GRHPR: variants seen among roughly 807,000 people sequenced by gnomAD.
GRHPR encodes glyoxylate reductase/hydroxypyruvate reductase.
A neutral mutation model predicts 36.8 loss-of-function variants in GRHPR; 35 were observed. The ratio of observed to expected loss-of-function variants is 0.95; its 90% CI spans 0.73 to 1.26. GRHPR has a LOEUF of 1.26. GRHPR is among the 50% of genes most tolerant of loss of function. GRHPR has a pLI of 0.00. For synonymous variants in GRHPR, 179 were observed against 181.0 expected (o/e 0.99, Z 0.09); for missense variants, 380 against 435.0 (o/e 0.87, Z 1.12).
In GRHPR at chr9:37,428,935, A is replaced by G. The variant is rs1341443500; in HGVS notation, c.493+363A>G. The G allele has an allele frequency of 2.8e-5, 11 of 389,340 alleles. No individual in the cohort carries two copies. In the Admixed American group the frequency reaches 3.2e-4, roughly 11 times the overall value. 24.1% of individuals were successfully genotyped at this position (389,340 alleles called of 1,614,324 possible). A position where few individuals can be genotyped will look rare whatever the true frequency, so the allele number is the denominator to read the frequency against. Reference sequence around the variant, plus strand: ...TACTCCGGCTTGCGTTCTGGAAGGTATGTGACTCACAAAGCCCTAACTCGG... The same window carrying G: ...TACTCCGGCTTGCGTTCTGGAAGGTGTGTGACTCACAAAGCCCTAACTCGG... On this transcript the variant is annotated intron_variant, in intron 5 of 8. Coordinates refer to ENST00000318158, the MANE Select transcript of GRHPR (RefSeq NM_012203.2).
At chr9:37,437,956 C>T (rs1271084508), downstream of GRHPR, among the ~76,000 whole-genome samples, 1 of 152,070 alleles carries the variant, frequency 6.6e-6, no homozygotes, top group Non-Finnish European at 1.5e-5. Flanking sequence ...CGGGGGAAGG[C>T]AGAAGGGAAT....
intron 8 of GRHPR, among the ~76,000 whole-genome samples, chr9:37,433,292 G>A (rs975342068): frequency 2.0e-5 from 3 of 149,634 alleles, no homozygotes; most frequent in Non-Finnish European, 4.4e-5. Flanking sequence ...GGAGTGCAGT[G>A]GTGCAATCTG....
intron 1 of GRHPR, among the ~76,000 whole-genome samples, 197 bp downstream of exon 1, chr9:37,423,030 G>A (rs1249608887): frequency 6.6e-6 from 1 of 152,194 alleles, no homozygotes; most frequent in East Asian, 1.9e-4. Flanking sequence ...AGGGGAGATT[G>A]CCCCTGAGGC....
rs750677922 is a variant in GRHPR, at chr9:37,422,788, G to T, written c.38G>T (p.Arg13Leu). 1.9e-6 allele frequency: 3 copies of T among 1,600,616 alleles called. No individual in the cohort carries two copies. Among genetic ancestry groups the T allele is most frequent in the Middle Eastern group, 2.2e-4 (1 of 4,574 alleles). The change falls in exon 1 of 9, where the codon CGC (arginine) becomes CTC (leucine). Residue 13 changes from arginine (R) to leucine (L), a missense_variant. By Grantham distance (102) the Arg-to-Leu change is moderately radical. Transcript: ENST00000318158. The stretch of plus-strand genomic sequence containing the variant: ...CGACTCATGAAGGTGTTCGTCACCC[G>T]CAGGATACCCGCCGAGGGTAGGGTC... ...PVRLMKVFVT[R>L]RIPAEGRVAL...
intron 5 of GRHPR, chr9:37,429,060 G>C (rs1312554020): frequency 3.1e-6 from 1 of 317,890 alleles, no homozygotes; most frequent in African/African-American, 2.2e-5. Context: ...TGGCAGAAGG[G>C]CGTGAGCCTA....
chr9:37,434,671 AGT>A (rs1293369620), intron 8 of GRHPR: 2 of 165,894 alleles, frequency 1.2e-5, no homozygotes, highest in African/African-American at 4.8e-5. Flanking sequence ...CCTCCAACAA[AGT>A]GTCTTTCCCT....
rs1439848028 is a variant in GRHPR at position 37,431,939 on chromosome 9, T to C, written c.735-69T>C. 9.6e-6 allele frequency: 15 copies of C among 1,556,040 alleles called. No individual in the cohort carries two copies. In the South Asian group the frequency reaches 1.5e-4, roughly 15 times the overall value. ...GAGTGGAAAAATTCATTCTGTAGGT[T>C]GTTCTGCCTCAAAGGTGGCCTGGGC... On this transcript the variant is annotated intron_variant, in intron 7 of 8. Coordinates refer to ENST00000318158, the MANE Select transcript of GRHPR (RefSeq NM_012203.2).
rs1024834990 is a variant in GRHPR, at chr9:37,424,729, C to T, written c.84-116C>T. On this transcript the variant is annotated intron_variant, in intron 1 of 8. Coordinates refer to ENST00000318158, the MANE Select transcript of GRHPR (RefSeq NM_012203.2). The stretch of plus-strand genomic sequence containing the variant: ...ACCCCTGCCTGACCCTGCCTCCCCT[C>T]AGCCAGCCCCGGGCAGCCTGAGGCC... The T allele has an allele frequency of 2.2e-5, 28 of 1,256,310 alleles. No individual in the cohort carries two copies. In the East Asian group the frequency reaches 6.3e-4, roughly 28 times the overall value. The allele number at this position is 1,256,310 out of a possible 1,614,324, so 77.8% of individuals were successfully genotyped here.
chr9:37,426,595 A>G lies in GRHPR; in HGVS notation c.345A>G (p.Ala115=), dbSNP rs147053190. 2.5e-6 allele frequency: 4 copies of G among 1,614,032 alleles called. No individual in the cohort carries two copies. The Admixed American group carries it at 5.0e-5, about 20-fold the overall frequency. ...DVLTDTTAEL[A]VSLLLTTCRR... is the part of the protein sequence containing the mutation. Reference sequence around the variant, plus strand: ...TGACAGATACCACCGCCGAACTCGCAGTCTCCCTGCTACTTACCACCTGCC... The same window carrying G: ...TGACAGATACCACCGCCGAACTCGCGGTCTCCCTGCTACTTACCACCTGCC... Residue 115 remains alanine (A), a synonymous_variant, in exon 4 of 9, where the codon GCA becomes GCG. Coordinates refer to ENST00000318158, the MANE Select transcript of GRHPR (RefSeq NM_012203.2).
At chr9:37,422,574 A>G, upstream of GRHPR, 2 of 646,034 alleles carry the variant, frequency 3.1e-6, no homozygotes, top group South Asian at 3.5e-5. Context: ...TCACTCCCCG[A>G]GCACGCACAG....
chr9:37,431,007 C>T (rs1249927182), intron 7 of GRHPR: 2 of 483,530 alleles, frequency 4.1e-6, no homozygotes, highest in African/African-American at 4.0e-5. Flanking sequence ...CCGCCTCCCA[C>T]ACTGCTGAGC....
intron 1 of GRHPR, among the ~76,000 whole-genome samples, chr9:37,423,322 C>A (rs1413485761): frequency 7.0e-6 from 1 of 143,598 alleles, no homozygotes; most frequent in African/African-American, 2.5e-5. Context: ...CGCAAACAAT[C>A]ACTACCGGCT....
downstream of GRHPR, chr9:37,439,129 G>GAGTT (rs1281572963): frequency 3.3e-5 from 5 of 152,240 alleles, no homozygotes; most frequent in Non-Finnish European, 7.3e-5. Flanking sequence ...CTGACTTCAT[G>GAGTT]AGTTCTAGGG....
rs1400903452 is a variant in GRHPR at position 37,422,722 on chromosome 9, C to T, written c.-29C>T. The T allele has an allele frequency of 3.9e-6, 6 of 1,530,314 alleles. No individual in the cohort carries two copies. In the African/African-American group the frequency reaches 5.5e-5, roughly 14 times the overall value. 94.8% of individuals were successfully genotyped at this position (1,530,314 alleles called of 1,614,324 possible). Reference sequence around the variant, plus strand: ...CATTCCCGGGCCAGCTTCTGTACTGCCAGGTCCGGGTCGGCGGCTGCACTG... The same window carrying T: ...CATTCCCGGGCCAGCTTCTGTACTGTCAGGTCCGGGTCGGCGGCTGCACTG... On this transcript the variant is annotated 5_prime_UTR_variant, in exon 1 of 9. Transcript: ENST00000318158.
chr9:37,435,658 A>C (rs895249162), intron 8 of GRHPR, among the ~76,000 whole-genome samples: 1 of 151,996 alleles, frequency 6.6e-6, no homozygotes, highest in African/African-American at 2.4e-5. Context: ...TGGGAGGCTA[A>C]GACAGGAGAA....
chr9:37,436,055 G>A (rs191443188), intron 8 of GRHPR, among the ~76,000 whole-genome samples: 32 of 152,290 alleles, frequency 2.1e-4, no homozygotes, highest in African/African-American at 7.7e-4. Context: ...GTGGTCATGT[G>A]GCATCATTTT....
rs911007591 is a variant in GRHPR, at chr9:37,432,099, C to A, written c.826C>A (p.Leu276Met). The A allele has an allele frequency of 1.2e-6, 2 of 1,614,004 alleles. No homozygotes were observed. Among genetic ancestry groups the A allele is most frequent in the African/African-American group, 2.7e-5 (2 of 74,926 alleles). ...AGLDVTSPEP[L>M]PTNHPLLTLK... The stretch of plus-strand genomic sequence containing the variant: ...ACTGGATGTGACGAGCCCAGAACCA[C>A]TGCCTACAAACCACCCTCTCCTGAC... The change falls in exon 8 of 9, where the codon CTG becomes ATG. Residue 276 changes from leucine (L) to methionine (M), a missense_variant. Transcript: ENST00000318158.
At chr9:37,438,384 G>A (rs1823766740), downstream of GRHPR, 1 of 152,584 alleles carries the variant, frequency 6.6e-6, no homozygotes. Context: ...GCTACAGCAT[G>A]TACAAGGACA....
chr9:37,428,314 G>A (rs1302103789), intron 4 of GRHPR, 170 bp from the exon 5 acceptor site: 9 of 682,480 alleles, frequency 1.3e-5, no homozygotes, highest in African/African-American at 1.1e-4. Flanking sequence ...AGGTGGAGTC[G>A]TTTCTGCTGC....
Sources: allele counts gnomAD v4.1 joint callset (sites outside exome capture counted in the v4.1 genomes callset), GRCh38; gene constraint gnomAD v4.1.1; transcripts MANE v1.5; gene names NCBI Gene and HGNC (gene_info 2026-07-23, HGNC 2026-07-21).